The following FGF13 variants were observed in gnomAD, a reference collection of about 807,000 sequenced individuals.
The protein encoded by FGF13 is fibroblast growth factor 13, also known as fibroblast growth factor homologous factor 2.
In FGF13, 2 loss-of-function variants were observed where a neutral mutation model predicts 19.5. That is an observed-to-expected ratio of 0.10 (90% CI 0.04 to 0.32). The LOEUF (loss-of-function observed/expected upper bound fraction) is 0.32. FGF13 is among the 10% of genes least tolerant of loss of function. FGF13 has a pLI of 1.00. For missense variants in FGF13, 113 were observed against 192.7 expected, an observed-to-expected ratio of 0.59 and a Z score of 2.45; for synonymous variants, 72 against 76.9, an observed-to-expected ratio of 0.94 and a Z score of 0.33.
chrX:138,843,130 T>C (rs1435833973), intron 3 of FGF13, among the ~76,000 whole-genome samples: 2 of 112,113 alleles, frequency 1.8e-5, no homozygotes, highest in Admixed American at 1.9e-4. Context: ...ACAGGTTGGC[T>C]TCTGATTTTC....
At chrX:139,203,708 A>G (rs1271371622), upstream of FGF13, among the ~76,000 whole-genome samples, 1 of 111,778 alleles carries the variant, frequency 8.9e-6, no homozygotes, top group Non-Finnish European at 1.9e-5. Flanking sequence ...ACGCACACAC[A>G]TGCACTCATA....
intron 1 of FGF13, among the ~76,000 whole-genome samples, chrX:138,891,439 G>A (rs536108031): frequency 5.4e-5 from 6 of 111,168 alleles, no homozygotes; most frequent in Middle Eastern, 4.6e-3. Flanking sequence ...GGAAGCTCTG[G>A]TTTCTCTTCT....
intron 3 of FGF13, among the ~76,000 whole-genome samples, chrX:138,837,382 G>C (rs369068891): frequency 9.0e-6 from 1 of 111,682 alleles, no homozygotes; most frequent in African/African-American, 3.3e-5. Context: ...GGTAGCCAGA[G>C]ACCCCAGGTG....
At chrX:138,978,266 G>GTTTTTTTTTTTTTTTTTTTTTTTT (rs10666140) in intron 1 of FGF13, among the ~76,000 whole-genome samples, 6 of 82,915 alleles carry the variant, frequency 7.2e-5, no homozygotes, top group Admixed American at 1.6e-4. Flanking sequence ...AGCTGCCCTG[G>GTTTTTTTTTTTTTTTTTTTTTTTT]TTTTTTTTTT....
intron 1 of FGF13, among the ~76,000 whole-genome samples, chrX:138,867,096 G>A (rs950153390): frequency 9.0e-6 from 1 of 111,097 alleles, no homozygotes; most frequent in African/African-American, 3.3e-5. Flanking sequence ...GGAGCATCCA[G>A]CATAGTGCCT....
At chrX:139,080,076 ACG>A (rs1275591680) in intron 1 of FGF13, among the ~76,000 whole-genome samples, 1 of 109,994 alleles carries the variant, frequency 9.1e-6, no homozygotes, top group African/African-American at 3.3e-5. Context: ...ACACACACAC[ACG>A]CACACACACA....
chrX:139,165,858 T>C (rs1755077108), intron 1 of FGF13, among the ~76,000 whole-genome samples: 1 of 111,805 alleles, frequency 8.9e-6, no homozygotes, highest in Non-Finnish European at 1.9e-5. Flanking sequence ...TCAAACAGCC[T>C]GGGCCCCTTT....
chrX:138,674,670 T>C (rs774460589), intron 3 of FGF13, among the ~76,000 whole-genome samples: 1 of 110,738 alleles, frequency 9.0e-6, no homozygotes, highest in Non-Finnish European at 1.9e-5. Context: ...AGGAATAATC[T>C]GTAAATGTAG....
At chrX:139,162,997 G>A (rs1296517567) in intron 1 of FGF13, among the ~76,000 whole-genome samples, 3 of 111,721 alleles carry the variant, frequency 2.7e-5, no homozygotes, top group Non-Finnish European at 3.8e-5. Context: ...TTCCTCAAGG[G>A]TCTAGAACCA....
At chrX:139,051,807 G>T (rs2092303896) in intron 1 of FGF13, among the ~76,000 whole-genome samples, 1 of 112,213 alleles carries the variant, frequency 8.9e-6, no homozygotes, top group African/African-American at 3.2e-5. Context: ...ATATCTGAGA[G>T]TTCAAGGTTA....
At chrX:139,126,664 T>C (rs954231878) in intron 1 of FGF13, among the ~76,000 whole-genome samples, 1 of 111,794 alleles carries the variant, frequency 8.9e-6, no homozygotes, top group Non-Finnish European at 1.9e-5. Flanking sequence ...TCATGTCCCG[T>C]CGGCAAGAAT....
intron 1 of FGF13, among the ~76,000 whole-genome samples, chrX:138,932,680 G>T (rs772222836): frequency 2.2e-4 from 23 of 104,678 alleles, no homozygotes; most frequent in Non-Finnish European, 4.1e-4. Flanking sequence ...AAAATAGAAA[G>T]GGGAAAAACA....
chrX:138,710,878 C>G lies in FGF13; in HGVS notation c.126G>C (p.Lys42Asn), dbSNP rs1408634259. ...GTTTGACCCGGGAAAAGACATTTAA[C>G]TTGTTTTTGTCGCAGCTGGTCTTGC... is the stretch of plus-strand genomic sequence containing the variant. ...SKGKTSCDKNKLNVFSRVKLF... is the reference protein window; with the variant it reads ...SKGKTSCDKNNLNVFSRVKLF... Residue 42 changes from lysine to asparagine, a missense_variant, in exon 1 of 5, where the codon AAG becomes AAC. By Grantham distance (94) the Lys-to-Asn change is moderately conservative. Coordinates refer to ENST00000315930, the MANE Select transcript of FGF13 (RefSeq NM_004114.5). 8.3e-7 allele frequency: 1 copy of G among 1,211,347 alleles called. No homozygotes were observed. The highest frequency in any genetic ancestry group is 1.1e-6 in the Non-Finnish European group (1 of 895,519).
chrX:138,871,713 C>T (rs1044744411), intron 1 of FGF13, among the ~76,000 whole-genome samples: 1 of 110,813 alleles, frequency 9.0e-6, no homozygotes, highest in African/African-American at 3.3e-5. Flanking sequence ...AAAAGAGTTT[C>T]CAGTAGAAGT....
intron 2 of FGF13, among the ~76,000 whole-genome samples, chrX:138,707,839 G>A (rs187689866): frequency 6.2e-5 from 7 of 112,120 alleles, no homozygotes; most frequent in Non-Finnish European, 1.3e-4. Flanking sequence ...CACTTATTGA[G>A]ACCCTCGTCA....
intron 1 of FGF13, among the ~76,000 whole-genome samples, chrX:138,888,587 C>T (rs188833598): frequency 0.043 from 4,673 of 108,475 alleles, 279 homozygotes; most frequent in African/African-American, 0.15. Context: ...TCAAGGGTGG[C>T]GGGGAGGGGA....
chrX:138,668,144 A>C (rs1218759823), intron 3 of FGF13, among the ~76,000 whole-genome samples: 2 of 111,846 alleles, frequency 1.8e-5, no homozygotes, highest in African/African-American at 6.5e-5. Context: ...TAATGAACTT[A>C]ACACTGTAAA....
Position 138,702,183 on chromosome X carries a change from A to T in FGF13, c.402+801T>A, listed in dbSNP as rs772258115. Among the ~76,000 whole-genome samples the T allele has an allele frequency of 1.8e-4, 20 of 110,102 alleles. No individual in the cohort carries two copies. The East Asian group carries it at 5.2e-3, about 28-fold the overall frequency. Reference sequence around the variant, plus strand: ...CACAGAGCAAGATTCTATCTCAAATAAATAAATAAATAAATTAATTAATTA... The same window carrying T: ...CACAGAGCAAGATTCTATCTCAAATTAATAAATAAATAAATTAATTAATTA... On this transcript the variant is annotated intron_variant, in intron 3 of 4. Coordinates refer to ENST00000315930, the MANE Select transcript of FGF13 (RefSeq NM_004114.5).
intron 1 of FGF13, among the ~76,000 whole-genome samples, chrX:139,171,969 G>A (rs1346491939): frequency 9.0e-6 from 1 of 111,357 alleles, no homozygotes; most frequent in African/African-American, 3.3e-5. Context: ...AAGTTGCTTC[G>A]ATGTGACTGG....
Sources: gnomAD v4.1 joint callset for allele counts (sites outside exome capture counted in the v4.1 genomes callset) on GRCh38, gnomAD v4.1.1 for gene constraint, MANE v1.5 for transcripts, NCBI Gene and HGNC (gene_info 2026-07-23, HGNC 2026-07-21) for gene names.